The following RHOA variants were observed in gnomAD, a reference collection of about 807,000 sequenced individuals.
The protein encoded by RHOA is ras homolog family member A, also known as transforming protein RhoA.
Under a neutral mutation model 17.5 loss-of-function variants are expected in RHOA, and 3 were observed. The ratio of observed to expected loss-of-function variants is 0.17; its 90% CI spans 0.08 to 0.44. The LOEUF is 0.44. Ranked by LOEUF, RHOA falls within the 20% of genes least tolerant of loss-of-function variation. RHOA has a pLI of 0.99. For missense variants in RHOA, 56 were observed against 242.3 expected (o/e 0.23, Z 5.10); for synonymous variants, 98 against 88.4 (o/e 1.11, Z -0.61).
intron 3 of RHOA, chr3:49,366,928 G>C (rs550823778): frequency 4.6e-5 from 7 of 152,140 alleles, no homozygotes; most frequent in Admixed American, 2.6e-4. Context: ...TGACAGGGAG[G>C]GCTGCAGCAC....
chr3:49,408,853 C>T (rs762135686), intron 1 of RHOA, among the ~76,000 whole-genome samples: 2 of 150,790 alleles, frequency 1.3e-5, no homozygotes, highest in Admixed American at 6.6e-5. Flanking sequence ...AGCACAGTGG[C>T]GCGATCTCAG....
intron 1 of RHOA, 94 bp from the exon 2 acceptor site, chr3:49,375,685 C>A (rs2048214740): frequency 7.6e-7 from 1 of 1,318,678 alleles, no homozygotes; most frequent in Non-Finnish European, 1.1e-6. Context: ...GGGGCATAAA[C>A]CTCTATTAGC....
intron 1 of RHOA, among the ~76,000 whole-genome samples, chr3:49,401,801 T>C (rs2048728535): frequency 1.3e-5 from 2 of 152,172 alleles, no homozygotes; most frequent in South Asian, 4.1e-4. Flanking sequence ...ACTGGTTCAG[T>C]ATCCCAAATC....
intron 1 of RHOA, among the ~76,000 whole-genome samples, chr3:49,398,708 C>T (rs1244498505): frequency 1.3e-5 from 2 of 150,602 alleles, no homozygotes; most frequent in Admixed American, 1.3e-4. Flanking sequence ...GTCGTGGTGG[C>T]GGGCACCTGT....
chr3:49,361,936 C>A (rs1267782635), intron 4 of RHOA, among the ~76,000 whole-genome samples: 1 of 151,708 alleles, frequency 6.6e-6, no homozygotes, highest in Non-Finnish European at 1.5e-5. Context: ...ACCTGTAATC[C>A]CTGCACTTTG....
intron 2 of RHOA, among the ~76,000 whole-genome samples, chr3:49,372,397 T>C (rs1200935354): frequency 1.3e-5 from 2 of 152,174 alleles, no homozygotes; most frequent in Non-Finnish European, 2.9e-5. Flanking sequence ...AGAGTTCCTA[T>C]TAGCATAAGA....
intron 1 of RHOA, among the ~76,000 whole-genome samples, chr3:49,398,674 AAAAG>A (rs1002891534): frequency 3.3e-5 from 5 of 151,062 alleles, no homozygotes; most frequent in African/African-American, 9.7e-5. Flanking sequence ...AAGAAAAAAA[AAAAG>A]AAATACAAAA....
intron 3 of RHOA, among the ~76,000 whole-genome samples, chr3:49,364,145 T>C (rs2048015985): frequency 6.6e-6 from 1 of 150,574 alleles, no homozygotes; most frequent in Non-Finnish European, 1.5e-5. Context: ...AGGTCAGGAG[T>C]TCGAGACCAG....
chr3:49,386,364 A>G (rs1057075730), intron 1 of RHOA, among the ~76,000 whole-genome samples: 3 of 152,210 alleles, frequency 2.0e-5, no homozygotes, highest in African/African-American at 7.2e-5. Flanking sequence ...AAAATATAAG[A>G]AACAGCTAAC....
rs567691224 is a variant in RHOA at position 49,397,747 on chromosome 3, C to G, written c.-3+14073G>C. 3.3e-5 allele frequency among the ~76,000 whole-genome samples: 5 copies of G among 152,136 alleles called. No homozygotes were observed. In the East Asian group the frequency reaches 9.6e-4, roughly 29 times the overall value. On this transcript the variant is annotated intron_variant, in intron 1 of 4. Coordinates refer to ENST00000418115, the MANE Select transcript of RHOA (RefSeq NM_001664.4). ...ACGAGATTAGAGGGGAACGAGATTTCGCTTGCAAGTGGAAGGGCTGACCTT... is the reference window on the plus strand; with the variant it reads ...ACGAGATTAGAGGGGAACGAGATTTGGCTTGCAAGTGGAAGGGCTGACCTT...
At chr3:49,405,770 C>T (rs533524249) in intron 1 of RHOA, among the ~76,000 whole-genome samples, 53 of 152,216 alleles carry the variant, frequency 3.5e-4, no homozygotes, top group South Asian at 8.3e-4. Flanking sequence ...CTGCAACCTG[C>T]GCCTCTCAAG....
chr3:49,389,506 G>A (rs959645445), intron 1 of RHOA, among the ~76,000 whole-genome samples: 5 of 152,100 alleles, frequency 3.3e-5, no homozygotes, highest in African/African-American at 1.2e-4. Flanking sequence ...TGAGCGGCAG[G>A]TCTATTTCCA....
chr3:49,407,566 A>G (rs770299138), intron 1 of RHOA, among the ~76,000 whole-genome samples: 1 of 152,222 alleles, frequency 6.6e-6, no homozygotes, highest in East Asian at 1.9e-4. Context: ...CCAAATTATC[A>G]TATTAGTTTA....
In RHOA at chr3:49,368,525, T is replaced by C. The variant is rs2107838797; in HGVS notation, c.180A>G (p.Thr60=). ...GGCGATCATAATCTTCCTGCCCAGC[T>C]GTGTCCCACAAAGCCAACTCTACCT... The part of the protein sequence containing the change: ...GKQVELALWD[T]AGQEDYDRLR... The change falls in exon 3 of 5, where the codon ACA becomes ACG. Residue 60 remains threonine, a synonymous_variant. Transcript: ENST00000418115. 1.2e-6 allele frequency: 2 copies of C among 1,614,004 alleles called. No individual in the cohort carries two copies. The highest frequency in any genetic ancestry group is 1.7e-6 in the Non-Finnish European group (2 of 1,179,954).
In RHOA at chr3:49,399,126, C is replaced by G. The variant is rs1185544; in HGVS notation, c.-3+12694G>C. On this transcript the variant is annotated intron_variant, in intron 1 of 4. Coordinates refer to ENST00000418115, the MANE Select transcript of RHOA (RefSeq NM_001664.4). ...GGCTCATGCCTGTAATCCCAGCACT[C>G]TGGGAGGCCGAGGCAGGCAGATCAC... Among the ~76,000 whole-genome samples, 6 of 143,962 alleles carry G rather than the reference C, an allele frequency of 4.2e-5. No individual in the cohort carries two copies. The Admixed American group carries it at 4.3e-4, about 10-fold the overall frequency. The allele number at this position is 143,962 out of a possible 152,430, so 94.4% of individuals were successfully genotyped here. A position where few individuals can be genotyped will look rare whatever the true frequency, so the allele number is the denominator to read the frequency against.
intron 1 of RHOA, among the ~76,000 whole-genome samples, chr3:49,403,801 C>T (rs1235406775): frequency 1.3e-5 from 2 of 152,018 alleles, no homozygotes; most frequent in Admixed American, 6.6e-5. Flanking sequence ...ATTAAACCTC[C>T]ATGAAGGTAA....
chr3:49,407,187 C>A (rs1270580849), intron 1 of RHOA, among the ~76,000 whole-genome samples: 1 of 148,122 alleles, frequency 6.8e-6, no homozygotes, highest in Non-Finnish European at 1.5e-5. Context: ...ATAAAATAGG[C>A]AGAAGTCACT....
chr3:49,392,529 A>G (rs2048528308), intron 1 of RHOA, among the ~76,000 whole-genome samples: 1 of 152,172 alleles, frequency 6.6e-6, no homozygotes, highest in African/African-American at 2.4e-5. Context: ...AGTATTGAAT[A>G]AAAGACAGGT....
chr3:49,408,231 C>T (rs932990178), intron 1 of RHOA, among the ~76,000 whole-genome samples: 13 of 147,438 alleles, frequency 8.8e-5, no homozygotes, highest in Admixed American at 3.3e-4. Context: ...CATATATATA[C>T]GTATACACGT....
Sources: gnomAD v4.1 joint callset for allele counts (sites outside exome capture counted in the v4.1 genomes callset) on GRCh38, gnomAD v4.1.1 for gene constraint, MANE v1.5 for transcripts, NCBI Gene and HGNC (gene_info 2026-07-23, HGNC 2026-07-21) for gene names.